RBFOX1: variants seen among roughly 807,000 people sequenced by gnomAD.
RBFOX1 encodes RNA binding protein fox-1 homolog 1.
RBFOX1 carries 8 observed loss-of-function variants against 57.7 expected under a neutral mutation model. That is an observed-to-expected ratio of 0.14 (90% CI 0.08 to 0.25). The LOEUF is 0.25. RBFOX1 is among the 10% of genes least tolerant of loss of function. The pLI, the probability that RBFOX1 is intolerant of heterozygous loss-of-function variation, is 1.00. For missense variants in RBFOX1, 611 were observed against 548.5 expected (o/e 1.11, Z -1.14); for synonymous variants, 326 against 222.4 (o/e 1.47, Z -4.15).
chr16:5,822,486 G>T (rs1057448015), intron 3 of RBFOX1, among the ~76,000 whole-genome samples: 2 of 152,034 alleles, frequency 1.3e-5, no homozygotes, highest in Non-Finnish European at 2.9e-5. Flanking sequence ...AATTGAGTGG[G>T]TTCTCACTAA....
rs118097235 is a variant in RBFOX1 at position 5,643,357 on chromosome 16, G to A, written c.318+44396G>A. 7.4e-3 allele frequency among the ~76,000 whole-genome samples: 1,127 copies of A among 152,264 alleles called. 7 individuals are homozygous for A. The highest frequency in any genetic ancestry group is 0.012 in the Non-Finnish European group (788 of 68,022). ...ACTCCCTCTGGGCACCCAGGAAGGTGGCTAAACCTTAGGCATTATCATTTC... is the reference window on the plus strand; with the variant it reads ...ACTCCCTCTGGGCACCCAGGAAGGTAGCTAAACCTTAGGCATTATCATTTC... On this transcript the variant is annotated intron_variant, in intron 3 of 19. Coordinates refer to the RBFOX1 transcript ENST00000641259.
intron 3 of RBFOX1, among the ~76,000 whole-genome samples, chr16:6,958,895 A>C (rs1321831857): frequency 6.6e-6 from 1 of 152,158 alleles, no homozygotes; most frequent in African/African-American, 2.4e-5. Context: ...GAAATGATAC[A>C]GGTAAAATTA....
intron 14 of RBFOX1, among the ~76,000 whole-genome samples, chr16:7,708,647 G>A (rs1453030518): frequency 2.0e-5 from 3 of 152,154 alleles, no homozygotes; most frequent in Non-Finnish European, 2.9e-5. Flanking sequence ...CTTGAATGGT[G>A]ACAGCTGAAT....
chr16:5,866,798 A>G (rs2057353748), intron 3 of RBFOX1, among the ~76,000 whole-genome samples: 1 of 152,240 alleles, frequency 6.6e-6, no homozygotes, highest in Non-Finnish European at 1.5e-5. Flanking sequence ...TATATAAACA[A>G]CTTGGCACCA....
At chr16:6,882,807 A>C (rs1395522044) in intron 3 of RBFOX1, among the ~76,000 whole-genome samples, 1 of 151,920 alleles carries the variant, frequency 6.6e-6, no homozygotes, top group African/African-American at 2.4e-5. Context: ...GGGGGGTATC[A>C]ATTCTCTGTT....
At chr16:6,922,575 C>T (rs986845834) in intron 3 of RBFOX1, among the ~76,000 whole-genome samples, 6 of 152,012 alleles carry the variant, frequency 3.9e-5, no homozygotes, top group Non-Finnish European at 5.9e-5. Flanking sequence ...TGGCTTTTTT[C>T]GTGTGTGTGG....
intron 2 of RBFOX1, among the ~76,000 whole-genome samples, chr16:6,595,220 A>AC (rs1600932116): frequency 6.6e-6 from 1 of 152,020 alleles, no homozygotes; most frequent in East Asian, 1.9e-4. Flanking sequence ...GTACACCCTT[A>AC]CCCCACCCTG....
intron 3 of RBFOX1, among the ~76,000 whole-genome samples, chr16:6,872,531 C>G (rs1212751511): frequency 6.6e-6 from 1 of 152,110 alleles, no homozygotes; most frequent in Non-Finnish European, 1.5e-5. Context: ...ATTTGAAAGT[C>G]TGGTTCCTGT....
chr16:7,206,606 G>A (rs572997292), intron 4 of RBFOX1, among the ~76,000 whole-genome samples: 108 of 151,898 alleles, frequency 7.1e-4, no homozygotes, highest in Non-Finnish European at 1.3e-3. Flanking sequence ...CAGTCATATC[G>A]TACTCAAGTT....
rs184293198 is a variant in RBFOX1 at position 6,174,636 on chromosome 16, A to C, written c.-126-142359A>C. On this transcript the variant is annotated intron_variant, in intron 1 of 15. Transcript: ENST00000550418. ...AAATAAAAAAATAAAGAAAAGAAAA[A>C]TATAAAAGTTAGGATATCAGCACAA... Among the ~76,000 whole-genome samples the C allele has an allele frequency of 1.7e-3, 257 of 152,206 alleles. 1 individual carries two copies. Among genetic ancestry groups the C allele is most frequent in the African/African-American group, 6.0e-3 (250 of 41,540 alleles).
intron 4 of RBFOX1, among the ~76,000 whole-genome samples, chr16:7,144,529 A>T (rs559446597): frequency 2.1e-5 from 3 of 145,600 alleles, no homozygotes; most frequent in Admixed American, 1.4e-4. Flanking sequence ...GGCTCAAGCG[A>T]TGTTCCTGCC....
intron 3 of RBFOX1, among the ~76,000 whole-genome samples, chr16:6,931,393 G>A (rs897494116): frequency 2.3e-4 from 34 of 150,718 alleles, no homozygotes; most frequent in Non-Finnish European, 4.0e-4. Context: ...ACATATATGT[G>A]TATGTTTATG....
chr16:5,654,427 A>G (rs2049354239), intron 3 of RBFOX1, among the ~76,000 whole-genome samples: 1 of 152,006 alleles, frequency 6.6e-6, no homozygotes, highest in South Asian at 2.1e-4. Context: ...ACTCCCCCCA[A>G]CCTAAAGTCC....
At chr16:5,270,708 T>A (rs2062982658) in intron 1 of RBFOX1, 1 of 503,168 alleles carries the variant, frequency 2.0e-6, no homozygotes, top group Non-Finnish European at 3.7e-6. Context: ...TGCAGACAAA[T>A]GACTTGAAAG....
intron 2 of RBFOX1, among the ~76,000 whole-genome samples, chr16:6,497,383 T>G (rs1410640811): frequency 1.3e-5 from 2 of 152,134 alleles, no homozygotes; most frequent in African/African-American, 4.8e-5. Context: ...CTAAAAGTTC[T>G]TCATTTCTCA....
chr16:5,255,762 A>G (rs972891357), intron 1 of RBFOX1, among the ~76,000 whole-genome samples: 1 of 151,902 alleles, frequency 6.6e-6, no homozygotes, highest in Non-Finnish European at 1.5e-5. Flanking sequence ...TTATTCCACA[A>G]AGACTCGTTA....
At chr16:6,423,090 C>T (rs2093821617) in intron 2 of RBFOX1, among the ~76,000 whole-genome samples, 1 of 152,194 alleles carries the variant, frequency 6.6e-6, no homozygotes, top group African/African-American at 2.4e-5. Flanking sequence ...TCCATGTATT[C>T]ACAATTGTGA....
chr16:5,824,192 C>A (rs1019267301), intron 3 of RBFOX1, among the ~76,000 whole-genome samples: 1 of 152,186 alleles, frequency 6.6e-6, no homozygotes, highest in South Asian at 2.1e-4. Context: ...TAATTTTCTC[C>A]GGGCCCAGGA....
rs1597902291 is a variant in RBFOX1, at chr16:5,946,081, G to A, written c.351+78746G>A. 6.6e-6 allele frequency among the ~76,000 whole-genome samples: 1 copy of A among 152,202 alleles called. No individual in the cohort carries two copies. Among genetic ancestry groups the A allele is most frequent in the South Asian group, 2.1e-4 (1 of 4,812 alleles). On this transcript the variant is annotated intron_variant, in intron 4 of 19. Coordinates refer to the RBFOX1 transcript ENST00000641259. The surrounding 1 kb of genome is among the most constrained non-coding windows in gnomAD (Gnocchi z 4.6). ...TGAGGGGGAGACAGGGTTTTAATTA[G>A]TGGACTGACTTACCCGCTATTCTTG...
Sources: gnomAD v4.1 joint callset for allele counts (sites outside exome capture counted in the v4.1 genomes callset) on GRCh38, gnomAD v4.1.1 for gene constraint, Gnocchi (gnomAD v3.1) non-coding constraint, MANE v1.5 for transcripts, NCBI Gene and HGNC (gene_info 2026-07-23, HGNC 2026-07-21) for gene names.